TAS2R7: variants seen among roughly 807,000 people sequenced by gnomAD.
TAS2R7 encodes the protein taste 2 receptor member 7.
For missense variants in TAS2R7, 403 were observed against 366.0 expected, an observed-to-expected ratio of 1.10 and a Z score of -0.82; for synonymous variants, 159 against 138.8, an observed-to-expected ratio of 1.15 and a Z score of -1.02.
rs779442682 is a variant in TAS2R7 at position 10,801,593 on chromosome 12, C to G, written c.*21G>C. 5.6e-6 allele frequency: 8 copies of G among 1,426,372 alleles called. No homozygotes were observed. In the African/African-American group the frequency reaches 1.1e-4, roughly 20 times the overall value. 88.4% of individuals were successfully genotyped at this position (1,426,372 alleles called of 1,614,324 possible). On this transcript the variant is annotated 3_prime_UTR_variant, in exon 1 of 1. Coordinates refer to ENST00000240687, the MANE Select transcript of TAS2R7 (RefSeq NM_023919.2). ...TAGAAACATCTTATCTTTGTTTGTC[C>G]TAGAAAAGCATAGTTTCTCTTCAGA...
Position 10,801,989 on chromosome 12 carries a change from A to C in TAS2R7, c.582T>G (p.Phe194Leu). ...GGAAAAAGGACATTAGGCACACACA[A>C]AAGGGGAGCAGCGTTGCCAGGTTGA... ...LFLNLATLLP[F>L]CVCLMSFFLL... The change falls in exon 1 of 1, where the codon TTT becomes TTG. Residue 194 changes from phenylalanine to leucine, a missense_variant. Phe to Leu is a conservative substitution (Grantham distance 22). Coordinates refer to ENST00000240687, the MANE Select transcript of TAS2R7 (RefSeq NM_023919.2). The C allele has an allele frequency of 6.2e-7, 1 of 1,613,860 alleles. No individual in the cohort carries two copies. The highest frequency in any genetic ancestry group is 8.5e-7 in the Non-Finnish European group (1 of 1,179,938).
Position 10,801,952 on chromosome 12 carries a change from A to G in TAS2R7, c.619T>C (p.Ser207Pro), listed in dbSNP as rs1948690692. The G allele has an allele frequency of 6.2e-7, 1 of 1,613,788 alleles. No individual in the cohort carries two copies. The highest frequency in any genetic ancestry group is 1.3e-5 in the African/African-American group (1 of 74,902). Residue 207 changes from serine (S) to proline (P), a missense_variant, in exon 1 of 1, where the codon TCC becomes CCC. Ser to Pro is a moderately conservative substitution (Grantham distance 74, BLOSUM62 -1). Coordinates refer to ENST00000240687, the MANE Select transcript of TAS2R7 (RefSeq NM_023919.2). ...ATTCGCCTGATATGTCTCCGCAGGG[A>G]GAGGATCAAGAGGAAAAAGGACATT... is the stretch of plus-strand genomic sequence containing the variant. ...CLMSFFLLIL[S>P]LRRHIRRMQL...
rs773911326 is a variant in TAS2R7, at chr12:10,801,782, C to A, written c.789G>T (p.Thr263=). 1 of 1,613,972 alleles carries A rather than the reference C, an allele frequency of 6.2e-7. No homozygotes were observed. The highest frequency in any genetic ancestry group is 1.3e-5 in the African/African-American group (1 of 75,010). ...ACTCACCAAAAATCACAGCTAATTCCGTCTCTGGCATAAAGTAGCTGGAGG... is the reference window on the plus strand; with the variant it reads ...ACTCACCAAAAATCACAGCTAATTCAGTCTCTGGCATAAAGTAGCTGGAGG... ...IATSSYFMPE[T]ELAVIFGESI... The change falls in exon 1 of 1, where the codon ACG becomes ACT. Residue 263 remains threonine, a synonymous_variant. Transcript: ENST00000240687.
Position 10,801,646 on chromosome 12 carries a change from CT to C in TAS2R7, c.924del (p.Gly309GlufsTer28), listed in dbSNP as rs766023264. ...TGTTTATGTTGTTGGAATTTTCTTCCTTTTAGAATAGACATTACTTTCCAAA... is the reference window on the plus strand; with the variant it reads ...TGTTTATGTTGTTGGAATTTTCTTCCTTTAGAATAGACATTACTTTCCAAA... ...KVIWKVMSIL[K>X]GRKFQQHKQI On this transcript the variant is annotated frameshift_variant, in exon 1 of 1. Coordinates refer to ENST00000240687, the MANE Select transcript of TAS2R7 (RefSeq NM_023919.2). LOFTEE classifies it low-confidence loss of function (END_TRUNC). 1.3e-5 allele frequency: 21 copies of C among 1,607,354 alleles called. No homozygotes were observed. Among genetic ancestry groups the C allele is most frequent in the Non-Finnish European group, 1.8e-5 (21 of 1,175,796 alleles).
Position 10,801,749 on chromosome 12 carries a change from A to G in TAS2R7, c.822T>C (p.Ala274=). Residue 274 remains alanine, a synonymous_variant, in exon 1 of 1, where the codon GCT becomes GCC. Coordinates refer to ENST00000240687, the MANE Select transcript of TAS2R7 (RefSeq NM_023919.2). The part of the protein sequence containing the change: ...ELAVIFGESI[A]LIYPSSHSFI... ...ATGAATGACTTGAGGGGTAGATTAG[A>G]GCTATGGACTCACCAAAAATCACAG... 1 of 1,614,014 alleles carries G rather than the reference A, an allele frequency of 6.2e-7. No individual in the cohort carries two copies. Among genetic ancestry groups the G allele is most frequent in the Non-Finnish European group, 8.5e-7 (1 of 1,179,942 alleles).
chr12:10,802,049 T>G lies in TAS2R7; in HGVS notation c.522A>C (p.Val174=), dbSNP rs748426029. ...TGGTAGAAGCATGTTGAGTTTTATT[T>G]ACTCTGCAACTCCAAGTTAAGTTTG... is the stretch of plus-strand genomic sequence containing the variant. ...RKTNLTWSCR[V]NKTQHASTKL... is the part of the protein sequence containing the mutation. Residue 174 remains valine (V), a synonymous_variant, in exon 1 of 1, where the codon GTA becomes GTC. Coordinates refer to ENST00000240687, the MANE Select transcript of TAS2R7 (RefSeq NM_023919.2). 1 of 1,613,964 alleles carries G rather than the reference T, an allele frequency of 6.2e-7. No individual in the cohort carries two copies. Among genetic ancestry groups the G allele is most frequent in the Admixed American group, 1.7e-5 (1 of 59,936 alleles).
Position 10,802,487 on chromosome 12 carries a change from T to A in TAS2R7, c.84A>T (p.Gly28=). The A allele has an allele frequency of 6.2e-7, 1 of 1,614,012 alleles. No individual in the cohort carries two copies. The highest frequency in any genetic ancestry group is 8.5e-7 in the Non-Finnish European group (1 of 1,179,940). ...SVGILGNAFI[G]LVNCMDWVKK... ...TGACCCAGTCCATGCAGTTTACCAA[T>A]CCAATGAATGCATTCCCTAAGATCC... The change falls in exon 1 of 1, where the codon GGA becomes GGT. Residue 28 remains glycine (G), a synonymous_variant. Coordinates refer to ENST00000240687, the MANE Select transcript of TAS2R7 (RefSeq NM_023919.2).
chr12:10,802,425 G>T lies in TAS2R7; in HGVS notation c.146C>A (p.Thr49Lys), dbSNP rs1166903140. 6.2e-7 allele frequency: 1 copy of T among 1,614,036 alleles called. No homozygotes were observed. The highest frequency in any genetic ancestry group is 1.7e-5 in the Admixed American group (1 of 59,990). ...RKIASIDLIL[T>K]SLAISRICLL... is the part of the protein sequence containing the mutation. ...ACAAATTCTGGATATGGCCAGACTT[G>T]TGAGGATTAAATCAATGGAGGCAAT... Residue 49 changes from threonine to lysine, a missense_variant, in exon 1 of 1, where the codon ACA becomes AAA. Transcript: ENST00000240687.
In TAS2R7 at chr12:10,802,438, C is replaced by T. The variant is rs540406738; in HGVS notation, c.133G>A (p.Asp45Asn). ...WVKKRKIASI[D>N]LILTSLAISR... is the part of the protein sequence containing the mutation. The stretch of plus-strand genomic sequence containing the variant: ...ATGGCCAGACTTGTGAGGATTAAAT[C>T]AATGGAGGCAATTTTCCTCTTCTTG... The change falls in exon 1 of 1, where the codon GAT (aspartate) becomes AAT (asparagine). Residue 45 changes from aspartate to asparagine, a missense_variant. Asp to Asn is a conservative substitution (Grantham distance 23, BLOSUM62 1). Coordinates refer to ENST00000240687, the MANE Select transcript of TAS2R7 (RefSeq NM_023919.2). 18 of 1,614,038 alleles carry T rather than the reference C, an allele frequency of 1.1e-5. No individual in the cohort carries two copies. The South Asian group carries it at 1.9e-4, about 17-fold the overall frequency.
In TAS2R7 at chr12:10,802,549, T is replaced by C; in HGVS notation, c.22A>G (p.Thr8Ala). ...TCTCCAACTGCTAAGAACAATAAAG[T>C]AGTCTGCACTTTATCTGCCATGTTT... MADKVQTTLLFLAVGEFS... is the reference protein window; with the variant it reads MADKVQTALLFLAVGEFS... The change falls in exon 1 of 1, where the codon ACT becomes GCT. Residue 8 changes from threonine (T) to alanine (A), a missense_variant. Transcript: ENST00000240687. 6.2e-7 allele frequency: 1 copy of C among 1,613,034 alleles called. No individual in the cohort carries two copies. The highest frequency in any genetic ancestry group is 1.7e-5 in the Admixed American group (1 of 59,894).
rs150192473 is a variant in TAS2R7, at chr12:10,801,931, G to C, written c.640C>G (p.Arg214Gly). ...LILSLRRHIR[R>G]MQLSATGCRD... ...CACCCTGTGGCACTGAGCTGCATTC[G>C]CCTGATATGTCTCCGCAGGGAGAGG... The change falls in exon 1 of 1, where the codon CGA (arginine) becomes GGA (glycine). Residue 214 changes from arginine (R) to glycine (G), a missense_variant. Physicochemically the swap from Arg to Gly is moderately radical, Grantham distance 125. Coordinates refer to ENST00000240687, the MANE Select transcript of TAS2R7 (RefSeq NM_023919.2). The C allele has an allele frequency of 2.0e-5, 32 of 1,613,788 alleles. No individual in the cohort carries two copies. Among genetic ancestry groups the C allele is most frequent in the Non-Finnish European group, 2.6e-5 (31 of 1,179,980 alleles).
chr12:10,802,339 T>C lies in TAS2R7; in HGVS notation c.232A>G (p.Thr78Ala). The C allele has an allele frequency of 6.2e-7, 1 of 1,614,010 alleles. No individual in the cohort carries two copies. The highest frequency in any genetic ancestry group is 8.5e-7 in the Non-Finnish European group (1 of 1,179,958). The change falls in exon 1 of 1, where the codon ACT becomes GCT. Residue 78 changes from threonine to alanine, a missense_variant. Transcript: ENST00000240687. ...TCAATGATTCTCATTTCTTTACCAG[T>C]GGCATAGACATCTGGATATAGCACC... ...ILVLYPDVYATGKEMRIIDFF... is the reference protein window; with the variant it reads ...ILVLYPDVYAAGKEMRIIDFF...
chr12:10,801,781 C>A lies in TAS2R7; in HGVS notation c.790G>T (p.Glu264Ter), dbSNP rs760804047. 1.9e-6 allele frequency: 3 copies of A among 1,613,934 alleles called. No homozygotes were observed. Among genetic ancestry groups the A allele is most frequent in the Non-Finnish European group, 2.5e-6 (3 of 1,179,964 alleles). ...ATSSYFMPET[E>*]LAVIFGESIA... Reference sequence around the variant, plus strand: ...GACTCACCAAAAATCACAGCTAATTCCGTCTCTGGCATAAAGTAGCTGGAG... The same window carrying A: ...GACTCACCAAAAATCACAGCTAATTACGTCTCTGGCATAAAGTAGCTGGAG... The change falls in exon 1 of 1, where the codon GAA becomes TAA. Residue 264 changes from glutamate (E) to a stop codon, truncating the protein, a stop_gained. Transcript: ENST00000240687. LOFTEE classifies it low-confidence loss of function (END_TRUNC).
rs1369364599 is a variant in TAS2R7, at chr12:10,801,985, C to A, written c.586G>T (p.Val196Leu). The A allele has an allele frequency of 1.2e-6, 2 of 1,613,740 alleles. No homozygotes were observed. Among genetic ancestry groups the A allele is most frequent in the Non-Finnish European group, 1.7e-6 (2 of 1,179,952 alleles). ...AAGAGGAAAAAGGACATTAGGCACA[C>A]ACAAAAGGGGAGCAGCGTTGCCAGG... ...LNLATLLPFC[V>L]CLMSFFLLIL... Residue 196 changes from valine to leucine, a missense_variant, in exon 1 of 1, where the codon GTG becomes TTG. Physicochemically the swap from Val to Leu is conservative, Grantham distance 32. Coordinates refer to ENST00000240687, the MANE Select transcript of TAS2R7 (RefSeq NM_023919.2).
Position 10,802,557 on chromosome 12 carries a change from A to G in TAS2R7, c.14T>C (p.Val5Ala). 2 of 1,612,378 alleles carry G rather than the reference A, an allele frequency of 1.2e-6. No individual in the cohort carries two copies. Among genetic ancestry groups the G allele is most frequent in the South Asian group, 1.1e-5 (1 of 90,836 alleles). MADK[V>A]QTTLLFLAVG... ...TGCTAAGAACAATAAAGTAGTCTGCACTTTATCTGCCATGTTTAAATATGC... is the reference window on the plus strand; with the variant it reads ...TGCTAAGAACAATAAAGTAGTCTGCGCTTTATCTGCCATGTTTAAATATGC... Residue 5 changes from valine to alanine, a missense_variant, in exon 1 of 1, where the codon GTG becomes GCG. Val to Ala is a moderately conservative substitution (Grantham distance 64). Coordinates refer to ENST00000240687, the MANE Select transcript of TAS2R7 (RefSeq NM_023919.2).
In TAS2R7 at chr12:10,801,557, T is replaced by C; in HGVS notation, c.*57A>G. On this transcript the variant is annotated 3_prime_UTR_variant, in exon 1 of 1. Coordinates refer to ENST00000240687, the MANE Select transcript of TAS2R7 (RefSeq NM_023919.2). ...TCACATAAAACATTAATGCAAGAAC[T>C]GAAGTTAATTTAGAAACATCTTATC... is the stretch of plus-strand genomic sequence containing the variant. The C allele has an allele frequency of 8.9e-7, 1 of 1,120,462 alleles. No homozygotes were observed. The highest frequency in any genetic ancestry group is 2.2e-5 in the Admixed American group (1 of 45,282). The allele number at this position is 1,120,462 out of a possible 1,614,324, so 69.4% of individuals were successfully genotyped here. A position where few individuals can be genotyped will look rare whatever the true frequency, so the allele number is the denominator to read the frequency against.
rs748145463 is a variant in TAS2R7, at chr12:10,802,541, C to A, written c.30G>T (p.Leu10Phe). The change falls in exon 1 of 1, where the codon TTG becomes TTT. Residue 10 changes from leucine (L) to phenylalanine (F), a missense_variant. By Grantham distance (22) the Leu-to-Phe change is conservative. Coordinates refer to ENST00000240687, the MANE Select transcript of TAS2R7 (RefSeq NM_023919.2). MADKVQTTL[L>F]FLAVGEFSVG... is the part of the protein sequence containing the mutation. ...CTGAAAACTCTCCAACTGCTAAGAACAATAAAGTAGTCTGCACTTTATCTG... is the reference window on the plus strand; with the variant it reads ...CTGAAAACTCTCCAACTGCTAAGAAAAATAAAGTAGTCTGCACTTTATCTG... 9 of 1,613,662 alleles carry A rather than the reference C, an allele frequency of 5.6e-6. No homozygotes were observed. Among genetic ancestry groups the A allele is most frequent in the Non-Finnish European group, 7.6e-6 (9 of 1,179,846 alleles).
rs1948690655 is a variant in TAS2R7, at chr12:10,801,950, G to A, written c.621C>T (p.Ser207=). The A allele has an allele frequency of 6.2e-7, 1 of 1,613,790 alleles. No homozygotes were observed. Among genetic ancestry groups the A allele is most frequent in the Admixed American group, 1.7e-5 (1 of 59,894 alleles). ...CLMSFFLLIL[S]LRRHIRRMQL... is the part of the protein sequence containing the mutation. ...GCATTCGCCTGATATGTCTCCGCAG[G>A]GAGAGGATCAAGAGGAAAAAGGACA... Residue 207 remains serine, a synonymous_variant, in exon 1 of 1, where the codon TCC becomes TCT. Coordinates refer to ENST00000240687, the MANE Select transcript of TAS2R7 (RefSeq NM_023919.2).
Position 10,801,913 on chromosome 12 carries a change from T to A in TAS2R7, c.658A>T (p.Thr220Ser), listed in dbSNP as rs1591605295. The A allele has an allele frequency of 6.2e-7, 1 of 1,613,958 alleles. No individual in the cohort carries two copies. Among genetic ancestry groups the A allele is most frequent in the South Asian group, 1.1e-5 (1 of 91,080 alleles). ...RHIRRMQLSA[T>S]GCRDPSTEAH... ...TCTGTGCTGGGGTCTCTGCACCCTG[T>A]GGCACTGAGCTGCATTCGCCTGATA... is the stretch of plus-strand genomic sequence containing the variant. Residue 220 changes from threonine (T) to serine (S), a missense_variant, in exon 1 of 1, where the codon ACA (threonine) becomes TCA (serine). Coordinates refer to ENST00000240687, the MANE Select transcript of TAS2R7 (RefSeq NM_023919.2).
Sources: gnomAD v4.1 joint callset for allele counts on GRCh38, gnomAD v4.1.1 for gene constraint, MANE v1.5 for transcripts, NCBI Gene and HGNC (gene_info 2026-07-23, HGNC 2026-07-21) for gene names.